The following CFAP299 variants were observed in gnomAD, a reference collection of about 807,000 sequenced individuals.
The protein encoded by CFAP299 is cilia- and flagella-associated protein 299.
In CFAP299, 21 loss-of-function variants were observed where a neutral mutation model predicts 27.0. The observed-to-expected ratio is 0.78, with a 90% CI of 0.55 to 1.12. The LOEUF is 1.12. CFAP299 is among the 50% of genes most tolerant of loss of function. The probability of loss-of-function intolerance (pLI) is 0.00; values close to 1 mark genes in which losing one functional copy is unlikely to be tolerated. For synonymous variants in CFAP299, 104 were observed against 98.1 expected (o/e 1.06, Z -0.36); for missense variants, 310 against 276.6 (o/e 1.12, Z -0.86).
At chr4:80,526,769 T>C (rs1733201121) in intron 2 of CFAP299, among the ~76,000 whole-genome samples, 1 of 152,166 alleles carries the variant, frequency 6.6e-6, no homozygotes, top group Admixed American at 6.6e-5. Context: ...ACAGATTCAC[T>C]TTATCTCTCA....
At position 80,511,364 on chromosome 4, in the gene CFAP299, AT is replaced by A. The variant is rs537190747; in HGVS notation, c.243-71723del. Among the ~76,000 whole-genome samples the A allele has an allele frequency of 5.0e-3, 766 of 152,278 alleles. 4 individuals carry two copies. The highest frequency in any genetic ancestry group is 0.017 in the Middle Eastern group (5 of 294). On this transcript the variant is annotated intron_variant, in intron 2 of 5. Coordinates refer to ENST00000358105, the MANE Select transcript of CFAP299 (RefSeq NM_152770.3). Reference sequence around the variant, plus strand: ...AGATGCACATAGCATCTAACAATTTATTTTTTAGTACAATCCAGCTATATTT... The same window carrying A: ...AGATGCACATAGCATCTAACAATTTATTTTTAGTACAATCCAGCTATATTT...
intron 4 of CFAP299, among the ~76,000 whole-genome samples, chr4:80,939,066 G>A (rs1737064956): frequency 6.6e-6 from 1 of 152,110 alleles, no homozygotes; most frequent in Non-Finnish European, 1.5e-5. Context: ...TCCCTTTGTA[G>A]ATGATTAACC....
rs189311300 is a variant in CFAP299, at chr4:80,654,238, A to T, written c.333+71055A>T. Among the ~76,000 whole-genome samples the T allele has an allele frequency of 5.0e-3, 768 of 152,260 alleles. 5 individuals are homozygous for T. Among genetic ancestry groups the T allele is most frequent in the Middle Eastern group, 0.02 (6 of 294 alleles). Reference sequence around the variant, plus strand: ...TTTTAATTGCCTGTGTTCAAAATAGATAAAGTGCATTCAGTTATTTTTTAT... The same window carrying T: ...TTTTAATTGCCTGTGTTCAAAATAGTTAAAGTGCATTCAGTTATTTTTTAT... On this transcript the variant is annotated intron_variant, in intron 3 of 5. Transcript: ENST00000358105.
intron 2 of CFAP299, among the ~76,000 whole-genome samples, chr4:80,563,870 A>G (rs1199161473): frequency 6.6e-6 from 1 of 152,118 alleles, no homozygotes; most frequent in African/African-American, 2.4e-5. Context: ...TCACATTACA[A>G]CTGATACTGC....
At chr4:80,871,767 T>G (rs1447561262) in intron 4 of CFAP299, 1 of 440,636 alleles carries the variant, frequency 2.3e-6, no homozygotes, top group Non-Finnish European at 3.0e-6. Context: ...ATACCATTTT[T>G]AAAGAAAACA....
intron 3 of CFAP299, among the ~76,000 whole-genome samples, chr4:80,593,120 G>C (rs1228576991): frequency 6.6e-6 from 1 of 152,128 alleles, no homozygotes; most frequent in East Asian, 1.9e-4. Context: ...GGGTTGTTCT[G>C]TGTATATATT....
chr4:80,827,513 T>G (rs1395640165), intron 3 of CFAP299, among the ~76,000 whole-genome samples: 1 of 151,772 alleles, frequency 6.6e-6, no homozygotes, highest in Non-Finnish European at 1.5e-5. Flanking sequence ...AAAACTTGAC[T>G]CTCTTTCATG....
rs199779472 is a variant in CFAP299 at position 80,480,082 on chromosome 4, A to AT, written c.243-103002dup. 3.5e-4 allele frequency among the ~76,000 whole-genome samples: 53 copies of AT among 151,350 alleles called. No homozygotes were observed. The South Asian group carries it at 5.8e-3, about 17-fold the overall frequency. ...TATTCTTTTCCTTATGTACCAGTGC[A>AT]TTTTTTTTTAAAAAAGTTGATTTAA... is the stretch of plus-strand genomic sequence containing the variant. On this transcript the variant is annotated intron_variant, in intron 2 of 5. Transcript: ENST00000358105.
chr4:80,727,316 C>G lies in CFAP299; in HGVS notation c.334-142677C>G, dbSNP rs188023146. On this transcript the variant is annotated intron_variant, in intron 3 of 5. Transcript: ENST00000358105. ...ATATAATGGTAATATTACAATATTACTATTATAATATTTTTAAAAAGCTAG... is the reference window on the plus strand; with the variant it reads ...ATATAATGGTAATATTACAATATTAGTATTATAATATTTTTAAAAAGCTAG... 3.4e-3 allele frequency among the ~76,000 whole-genome samples: 524 copies of G among 151,940 alleles called. 1 individual carries two copies. Among genetic ancestry groups the G allele is most frequent in the African/African-American group, 0.012 (486 of 41,446 alleles).
intron 2 of CFAP299, among the ~76,000 whole-genome samples, chr4:80,378,043 C>G (rs1332025047): frequency 6.6e-6 from 1 of 152,106 alleles, no homozygotes; most frequent in Non-Finnish European, 1.5e-5. Context: ...CAATTACGTC[C>G]CCTGGGGTCC....
chr4:80,600,419 T>C (rs9993620), intron 3 of CFAP299, among the ~76,000 whole-genome samples: 96,001 of 152,008 alleles, frequency 0.63, 33,774 homozygotes, highest in Non-Finnish European at 0.78. Flanking sequence ...TGCCTTGAAT[T>C]ATTTTCAAAC....
chr4:80,672,604 G>A (rs1281263552), intron 3 of CFAP299, among the ~76,000 whole-genome samples: 1 of 152,162 alleles, frequency 6.6e-6, no homozygotes, highest in Non-Finnish European at 1.5e-5. Flanking sequence ...TGTACCTCTG[G>A]TAGAATTCAG....
intron 2 of CFAP299, among the ~76,000 whole-genome samples, chr4:80,384,588 A>G (rs1724873547): frequency 1.3e-5 from 2 of 152,160 alleles, no homozygotes; most frequent in Non-Finnish European, 2.9e-5. Context: ...ATTTCAGGAG[A>G]TAAGAGGAAA....
chr4:80,414,256 G>C (rs1051765778), intron 2 of CFAP299, among the ~76,000 whole-genome samples: 11 of 151,174 alleles, frequency 7.3e-5, no homozygotes, highest in Non-Finnish European at 1.6e-4. Context: ...ATTTTTAGTA[G>C]AGACGGGGTT....
intron 3 of CFAP299, among the ~76,000 whole-genome samples, chr4:80,696,990 A>C (rs1721137493): frequency 6.6e-6 from 1 of 152,208 alleles, no homozygotes; most frequent in South Asian, 2.1e-4. Context: ...ATAAAGGTCT[A>C]ATATTTTTGT....
intron 3 of CFAP299, among the ~76,000 whole-genome samples, chr4:80,812,042 A>G (rs1729180930): frequency 6.6e-6 from 1 of 152,150 alleles, no homozygotes; most frequent in Non-Finnish European, 1.5e-5. Flanking sequence ...TAGTTTCAAC[A>G]GTGGGAAATG....
At chr4:80,437,220 G>A (rs1728134715) in intron 2 of CFAP299, among the ~76,000 whole-genome samples, 1 of 152,084 alleles carries the variant, frequency 6.6e-6, no homozygotes, top group Admixed American at 6.5e-5. Context: ...GTATTGAGTG[G>A]AACTGAATTA....
intron 2 of CFAP299, among the ~76,000 whole-genome samples, chr4:80,393,633 A>G (rs999316582): frequency 6.6e-6 from 1 of 152,170 alleles, no homozygotes; most frequent in African/African-American, 2.4e-5. Flanking sequence ...CATGCTGTAC[A>G]TGTTTTTAGC....
At position 80,444,748 on chromosome 4, in the gene CFAP299, C is replaced by G. The variant is rs553735967; in HGVS notation, c.242+81864C>G. Among the ~76,000 whole-genome samples the G allele has an allele frequency of 2.0e-5, 3 of 152,252 alleles. No individual in the cohort carries two copies. In the East Asian group the frequency reaches 5.8e-4, roughly 29 times the overall value. On this transcript the variant is annotated intron_variant, in intron 2 of 5. Transcript: ENST00000358105. The stretch of plus-strand genomic sequence containing the variant: ...ATCATCAGAGTGAATAGGCAACCTA[C>G]AGATGGGAGAAAATTTTTGCAATCT...
Sources: gnomAD v4.1 joint callset for allele counts (sites outside exome capture counted in the v4.1 genomes callset) on GRCh38, gnomAD v4.1.1 for gene constraint, MANE v1.5 for transcripts, NCBI Gene and HGNC (gene_info 2026-07-23, HGNC 2026-07-21) for gene names.